The following KAZN variants were observed in gnomAD, a reference collection of about 807,000 sequenced individuals.
KAZN encodes kazrin.
A neutral mutation model predicts 87.4 loss-of-function variants in KAZN; 40 were observed. That is an observed-to-expected ratio of 0.46 (90% confidence interval 0.36 to 0.60). The LOEUF (loss-of-function observed/expected upper bound fraction) is 0.60. Ranked by LOEUF, KAZN falls within the 20% of genes least tolerant of loss-of-function variation. The pLI is 0.00. For missense variants in KAZN, 898 were observed against 1,073.9 expected (o/e 0.84, Z 2.29); for synonymous variants, 466 against 458.3 (o/e 1.02, Z -0.22).
intron 2 of KAZN, among the ~76,000 whole-genome samples, chr1:14,521,745 G>T (rs575839009): frequency 1.3e-5 from 2 of 152,282 alleles, no homozygotes; most frequent in East Asian, 3.9e-4. Flanking sequence ...TTGAAAACTG[G>T]GGAAAGGGAG....
intron 1 of KAZN, among the ~76,000 whole-genome samples, chr1:14,836,616 C>T (rs958109882): frequency 2.0e-5 from 3 of 152,088 alleles, no homozygotes; most frequent in African/African-American, 7.2e-5. Flanking sequence ...TGAGCATCCC[C>T]GAGGCCTGAG....
intron 8 of KAZN, among the ~76,000 whole-genome samples, chr1:15,087,392 C>CTTTTTTTTTTTT (rs200078543): frequency 7.2e-6 from 1 of 139,442 alleles, no homozygotes. Context: ...GCTTAAAGCA[C>CTTTTTTTTTTTT]TTTTTTCTTT....
chr1:14,777,019 G>A (rs949617726), intron 1 of KAZN, among the ~76,000 whole-genome samples: 1 of 149,620 alleles, frequency 6.7e-6, no homozygotes, highest in Non-Finnish European at 1.5e-5. Flanking sequence ...GTTTTGTTTT[G>A]AGACGGAGTC....
intron 2 of KAZN, among the ~76,000 whole-genome samples, chr1:14,570,351 C>T (rs936872753): frequency 6.6e-6 from 1 of 152,084 alleles, no homozygotes; most frequent in Non-Finnish European, 1.5e-5. Context: ...AGAACATTAC[C>T]ATCTCCCCAA....
intron 1 of KAZN, among the ~76,000 whole-genome samples, chr1:14,943,007 GGTGTGTGTGTGTGTGTGTGT>G (rs58102946): frequency 2.0e-5 from 2 of 100,846 alleles, no homozygotes; most frequent in Non-Finnish European, 1.9e-5. Context: ...GTGTGTGTGT[GGTGTGTGTGTGTGTGTGTGT>G]GTGTGTGTGT....
intron 1 of KAZN, among the ~76,000 whole-genome samples, chr1:13,934,635 AC>A (rs1437825962): frequency 6.6e-6 from 1 of 152,068 alleles, no homozygotes; most frequent in Non-Finnish European, 1.5e-5. Flanking sequence ...TGTGACTGTG[AC>A]TTTTGTTTGC....
At chr1:14,115,105 C>A (rs1039770984) in intron 1 of KAZN, among the ~76,000 whole-genome samples, 1 of 152,226 alleles carries the variant, frequency 6.6e-6, no homozygotes, top group Non-Finnish European at 1.5e-5. Context: ...TTCCACAGTG[C>A]TGGAGGCTGC....
intron 1 of KAZN, among the ~76,000 whole-genome samples, chr1:14,091,641 A>G (rs1643997083): frequency 6.6e-6 from 1 of 152,188 alleles, no homozygotes; most frequent in Admixed American, 6.5e-5. Flanking sequence ...ATAATGCCAA[A>G]TTCATAGCTA....
At chr1:14,170,210 A>G (rs974984191) in intron 1 of KAZN, among the ~76,000 whole-genome samples, 1 of 152,162 alleles carries the variant, frequency 6.6e-6, no homozygotes, top group Non-Finnish European at 1.5e-5. Flanking sequence ...CTAGCCACAC[A>G]TGGTGGTTTT....
chr1:14,019,098 TG>T (rs1277204742), intron 1 of KAZN, among the ~76,000 whole-genome samples: 1 of 152,230 alleles, frequency 6.6e-6, no homozygotes, highest in African/African-American at 2.4e-5. Context: ...TAATTAGTAC[TG>T]ACCAACAAAA....
chr1:14,357,052 C>G (rs1022547178), intron 2 of KAZN, among the ~76,000 whole-genome samples: 2 of 151,950 alleles, frequency 1.3e-5, no homozygotes, highest in African/African-American at 2.4e-5. Context: ...TTCTTCCTAT[C>G]CATGAGCATG....
chr1:15,099,148 G>A lies in KAZN; in HGVS notation c.1548-2395G>A, dbSNP rs943829879. ...TAGAGGACAGGCCCGGAGACAAGGG[G>A]GTCCCAGTGGACCCAAGTGGTTCTG... On this transcript the variant is annotated intron_variant, in intron 10 of 14. Transcript: ENST00000376030. The surrounding 1 kb of genome is among the most constrained non-coding windows in gnomAD (Gnocchi z 5.4). 1.3e-5 allele frequency among the ~76,000 whole-genome samples: 2 copies of A among 152,152 alleles called. No individual in the cohort carries two copies. The highest frequency in any genetic ancestry group is 2.9e-5 in the Non-Finnish European group (2 of 68,022).
intron 4 of KAZN, among the ~76,000 whole-genome samples, chr1:15,049,186 C>T (rs1255414907): frequency 6.6e-6 from 1 of 152,208 alleles, no homozygotes; most frequent in African/African-American, 2.4e-5. Context: ...GCCTTTCCCA[C>T]CAGCCTCCCT....
chr1:14,320,642 C>T (rs975275449), intron 2 of KAZN, among the ~76,000 whole-genome samples: 2 of 152,152 alleles, frequency 1.3e-5, no homozygotes, highest in African/African-American at 4.8e-5. Context: ...ACAGCAAAAG[C>T]AGCCATGACT....
At chr1:14,120,744 T>C (rs533231642) in intron 1 of KAZN, among the ~76,000 whole-genome samples, 1 of 152,340 alleles carries the variant, frequency 6.6e-6, no homozygotes, top group South Asian at 2.1e-4. Context: ...CTGGTACCCA[T>C]GCATCCTTCT....
chr1:14,149,878 TCA>T (rs1645436846), intron 1 of KAZN, among the ~76,000 whole-genome samples: 1 of 152,188 alleles, frequency 6.6e-6, no homozygotes, highest in African/African-American at 2.4e-5. Context: ...ATGGAACAAC[TCA>T]CAGACTCAAC....
chr1:14,188,902 T>C (rs568379328), intron 2 of KAZN, among the ~76,000 whole-genome samples: 1 of 152,294 alleles, frequency 6.6e-6, no homozygotes, highest in African/African-American at 2.4e-5. Context: ...ATTAGTCAGA[T>C]GATAGAGAGC....
intron 1 of KAZN, among the ~76,000 whole-genome samples, chr1:14,120,278 G>A (rs950480125): frequency 1.2e-4 from 18 of 152,136 alleles, no homozygotes; most frequent in East Asian, 3.9e-4. Flanking sequence ...GCAAGAGGGC[G>A]GGGGGAGGTG....
At chr1:14,131,176 G>T (rs926464885) in intron 1 of KAZN, among the ~76,000 whole-genome samples, 1 of 152,144 alleles carries the variant, frequency 6.6e-6, no homozygotes. Flanking sequence ...GAACTCACTC[G>T]CTATCGCAGG....
Sources: gnomAD v4.1 joint callset for allele counts (sites outside exome capture counted in the v4.1 genomes callset) on GRCh38, gnomAD v4.1.1 for gene constraint, Gnocchi (gnomAD v3.1) non-coding constraint, MANE v1.5 for transcripts, NCBI Gene and HGNC (gene_info 2026-07-23, HGNC 2026-07-21) for gene names.